Variants in ADARB2 observed in about 807,000 individuals in gnomAD.
ADARB2 encodes the protein adenosine deaminase RNA specific B2 (inactive).
ADARB2 carries 25 observed loss-of-function variants against 62.2 expected under a neutral mutation model. The observed-to-expected ratio is 0.40, with a 90% CI of 0.29 to 0.56. The LOEUF is 0.56. ADARB2 is among the 20% of genes least tolerant of loss of function. The pLI, the probability that ADARB2 is intolerant of heterozygous loss-of-function variation, is 0.43. For synonymous variants in ADARB2, 572 were observed against 500.8 expected, an observed-to-expected ratio of 1.14 and a Z score of -1.90; for missense variants, 1,071 against 1,077.4, an observed-to-expected ratio of 0.99 and a Z score of 0.08.
At chr10:1,287,707 A>C (rs1214426320) in intron 3 of ADARB2, among the ~76,000 whole-genome samples, 1 of 152,262 alleles carries the variant, frequency 6.6e-6, no homozygotes, top group Non-Finnish European at 1.5e-5. Flanking sequence ...GGAAATGCTC[A>C]TCAGTGAAAC....
intron 1 of ADARB2, among the ~76,000 whole-genome samples, chr10:1,524,995 A>T (rs1408613430): frequency 6.6e-6 from 1 of 152,180 alleles, no homozygotes; most frequent in Non-Finnish European, 1.5e-5. Flanking sequence ...CCATTTTCAC[A>T]GCTAGCTGCC....
chr10:1,259,783 C>T (rs1831116175), intron 4 of ADARB2, among the ~76,000 whole-genome samples: 1 of 152,178 alleles, frequency 6.6e-6, no homozygotes. Flanking sequence ...AGAGGGACTC[C>T]TCCCTAACTC....
intron 1 of ADARB2, among the ~76,000 whole-genome samples, chr10:1,457,001 C>CCTGACTT (rs1831103774): frequency 7.4e-6 from 1 of 135,854 alleles, no homozygotes. Context: ...TTCACCATCT[C>CCTGACTT]TGCCCGCCTC....
At chr10:1,367,295 T>C (rs987643821) in intron 2 of ADARB2, among the ~76,000 whole-genome samples, 5 of 152,258 alleles carry the variant, frequency 3.3e-5, no homozygotes, top group South Asian at 2.1e-4. Flanking sequence ...AAGTGCTCTC[T>C]GTTTGCTAAA....
chr10:1,664,106 TTG>T (rs1470503516), intron 1 of ADARB2, among the ~76,000 whole-genome samples: 1 of 151,738 alleles, frequency 6.6e-6, no homozygotes, highest in East Asian at 1.9e-4. Context: ...GTGTGCGGGT[TTG>T]TGTGTGTCCG....
intron 1 of ADARB2, among the ~76,000 whole-genome samples, chr10:1,639,674 T>G (rs2119055267): frequency 6.6e-6 from 1 of 152,238 alleles, no homozygotes; most frequent in East Asian, 1.9e-4. Flanking sequence ...GAAACCTGTC[T>G]CTACTAAAAT....
At chr10:1,602,982 G>A (rs570490574) in intron 1 of ADARB2, among the ~76,000 whole-genome samples, 4 of 147,032 alleles carry the variant, frequency 2.7e-5, no homozygotes, top group African/African-American at 1.0e-4. Flanking sequence ...ACATCAACAC[G>A]TGCACACACA....
At chr10:1,516,934 G>A (rs1832015979) in intron 1 of ADARB2, among the ~76,000 whole-genome samples, 1 of 152,168 alleles carries the variant, frequency 6.6e-6, no homozygotes, top group Non-Finnish European at 1.5e-5. Context: ...GGTTTTAGGA[G>A]TCATTATTCA....
At chr10:1,678,279 G>A in intron 1 of ADARB2, 3 of 985,230 alleles carry the variant, frequency 3.0e-6, no homozygotes, top group Non-Finnish European at 3.6e-6. Context: ...GGACCTCGGG[G>A]TGAGCGTCCT....
chr10:1,342,424 G>A (rs1018235510), intron 3 of ADARB2, among the ~76,000 whole-genome samples: 15 of 152,152 alleles, frequency 9.9e-5, no homozygotes, highest in Non-Finnish European at 2.1e-4. Context: ...TTACAGCATC[G>A]AGAAACATTC....
chr10:1,511,345 C>T (rs1463405255), intron 1 of ADARB2, among the ~76,000 whole-genome samples: 1 of 152,126 alleles, frequency 6.6e-6, no homozygotes, highest in African/African-American at 2.4e-5. Flanking sequence ...GATCTCATGC[C>T]TGGAATTCAA....
chr10:1,245,865 G>C (rs954404933), intron 4 of ADARB2, among the ~76,000 whole-genome samples: 2 of 151,540 alleles, frequency 1.3e-5, no homozygotes, highest in African/African-American at 4.9e-5. Flanking sequence ...TAATGGGATG[G>C]CTGGATCAAA....
rs116027332 is a variant in ADARB2, at chr10:1,715,833, G to A, written c.100+21218C>T. ...CAGTTAGGCAATGGCCTCCAACACC[G>A]CTGCTCACCCCTCTGCCTCAGTGGC... On this transcript the variant is annotated intron_variant, in intron 1 of 9. Coordinates refer to ENST00000381312, the MANE Select transcript of ADARB2 (RefSeq NM_018702.4). Among the ~76,000 whole-genome samples, 942 of 152,336 alleles carry A rather than the reference G, an allele frequency of 6.2e-3. 12 individuals are homozygous for A. The highest frequency in any genetic ancestry group is 0.022 in the African/African-American group (910 of 41,570).
chr10:1,677,194 C>T (rs145965904), intron 1 of ADARB2, among the ~76,000 whole-genome samples: 233 of 152,304 alleles, frequency 1.5e-3, no homozygotes, highest in African/African-American at 5.4e-3. Context: ...TGTTTCCTTC[C>T]GAAGGCTCAA....
intron 7 of ADARB2, among the ~76,000 whole-genome samples, chr10:1,203,651 A>G (rs1002051795): frequency 2.0e-5 from 3 of 149,588 alleles, no homozygotes; most frequent in African/African-American, 7.4e-5. Flanking sequence ...TGCGGCCATC[A>G]GCTTTCTCGG....
chr10:1,447,123 A>G (rs1360945589), intron 1 of ADARB2, among the ~76,000 whole-genome samples: 4 of 152,224 alleles, frequency 2.6e-5, no homozygotes, highest in African/African-American at 7.2e-5. Context: ...AAGGATGAGG[A>G]TTCAATTAGC....
intron 4 of ADARB2, among the ~76,000 whole-genome samples, chr10:1,244,219 G>C (rs1251603622): frequency 6.6e-6 from 1 of 152,244 alleles, no homozygotes; most frequent in Non-Finnish European, 1.5e-5. Flanking sequence ...AGTGACATGT[G>C]GACTGTTGAG....
intron 2 of ADARB2, among the ~76,000 whole-genome samples, chr10:1,370,709 A>G (rs933626532): frequency 1.3e-5 from 2 of 152,184 alleles, no homozygotes; most frequent in African/African-American, 4.8e-5. Flanking sequence ...TACAATAGCC[A>G]CACACACAAA....
At chr10:1,269,946 G>A (rs934376304) in intron 4 of ADARB2, among the ~76,000 whole-genome samples, 7 of 152,320 alleles carry the variant, frequency 4.6e-5, no homozygotes, top group East Asian at 3.9e-4. Flanking sequence ...GGTGGGGCTG[G>A]TATATTTATA....
Sources: gnomAD v4.1 joint callset for allele counts (sites outside exome capture counted in the v4.1 genomes callset) on GRCh38, gnomAD v4.1.1 for gene constraint, MANE v1.5 for transcripts, NCBI Gene and HGNC (gene_info 2026-07-23, HGNC 2026-07-21) for gene names.